Variants in ST3GAL6 observed in about 807,000 individuals in gnomAD.
ST3GAL6 encodes the protein type 2 lactosamine alpha-2,3-sialyltransferase.
In ST3GAL6, 31 loss-of-function variants were observed where a neutral mutation model predicts 40.5. That is an observed-to-expected ratio of 0.77 (90% CI 0.58 to 1.03). ST3GAL6 has a LOEUF of 1.03. Ranked by LOEUF, ST3GAL6 falls within the 50% of genes least tolerant of loss-of-function variation. The pLI is 0.00. For synonymous variants in ST3GAL6, 129 were observed against 136.9 expected (o/e 0.94, Z 0.40); for missense variants, 357 against 393.2 (o/e 0.91, Z 0.78).
intron 1 of ST3GAL6, among the ~76,000 whole-genome samples, chr3:98,737,778 T>C (rs1251285428): frequency 6.6e-6 from 1 of 151,954 alleles, no homozygotes; most frequent in East Asian, 1.9e-4. Context: ...AGGCTGAAAG[T>C]AAAGGGATGG....
At chr3:98,749,891 A>G (rs1354513447) in intron 1 of ST3GAL6, among the ~76,000 whole-genome samples, 1 of 152,248 alleles carries the variant, frequency 6.6e-6, no homozygotes, top group Non-Finnish European at 1.5e-5. Flanking sequence ...AGAGCAAAAT[A>G]TGACCAAGCA....
At chr3:98,792,941 T>C (rs2107377258) in intron 9 of ST3GAL6, among the ~76,000 whole-genome samples, 1 of 152,314 alleles carries the variant, frequency 6.6e-6, no homozygotes, top group Non-Finnish European at 1.5e-5. Context: ...TATTGAAATA[T>C]TACTTGATAA....
At chr3:98,763,063 G>T, upstream of ST3GAL6, 3 of 985,394 alleles carry the variant, frequency 3.0e-6, no homozygotes, top group Non-Finnish European at 3.6e-6. Context: ...GAGGACTGAG[G>T]CCTTTCCATT....
Position 98,787,318 on chromosome 3 carries a change from C to T in ST3GAL6, c.432-718C>T, listed in dbSNP as rs545144599. Among the ~76,000 whole-genome samples, 6 of 152,220 alleles carry T rather than the reference C, an allele frequency of 3.9e-5. No individual in the cohort carries two copies. In the South Asian group the frequency reaches 8.3e-4, roughly 21 times the overall value. ...TAATAAGTCTGTTCGTCTTATATTA[C>T]GTAGAGTCAGTAGCAAAGGGCAAAA... On this transcript the variant is annotated intron_variant, in intron 6 of 9. Coordinates refer to ENST00000483910, the MANE Select transcript of ST3GAL6 (RefSeq NM_001323368.2).
Position 98,795,427 on chromosome 3 carries a change from A to G in ST3GAL6, c.*1666A>G, listed in dbSNP as rs1359651146. The G allele has an allele frequency of 6.6e-6, 1 of 152,234 alleles. No homozygotes were observed. Among genetic ancestry groups the G allele is most frequent in the Non-Finnish European group, 1.5e-5 (1 of 68,048 alleles). The allele number at this position is 152,234 out of a possible 1,614,324, so 9.4% of individuals were successfully genotyped here. ...GACATGAATACCAGCATATGTTTGCAGAGTCCCACAGTTTTGATTCCTCTT... is the reference window on the plus strand; with the variant it reads ...GACATGAATACCAGCATATGTTTGCGGAGTCCCACAGTTTTGATTCCTCTT... On this transcript the variant is annotated 3_prime_UTR_variant, in exon 10 of 10. Transcript: ENST00000483910.
chr3:98,768,280 TGAG>T lies in ST3GAL6; in HGVS notation c.-11-149_-11-147del. The T allele has an allele frequency of 8.9e-5, 26 of 290,832 alleles. 5 individuals carry two copies. Among genetic ancestry groups the T allele is most frequent in the South Asian group, 2.3e-4 (4 of 17,470 alleles). The allele number at this position is 290,832 out of a possible 1,614,324, so 18.0% of individuals were successfully genotyped here. A position where few individuals can be genotyped will look rare whatever the true frequency, so the allele number is the denominator to read the frequency against. On this transcript the variant is annotated intron_variant, in intron 1 of 9. Transcript: ENST00000483910. ...AAACATTATCTTTCTGCACGTTTAG[TGAG>T]TATTTCCAAAATTACATGCCCACAT...
chr3:98,732,710 C>T, intron 1 of ST3GAL6: 1 of 743,914 alleles, frequency 1.3e-6, no homozygotes, highest in Non-Finnish European at 2.0e-6. Context: ...CGCAGTCGCC[C>T]GGGATTGGGG....
At chr3:98,743,681 G>A (rs7634817) in intron 1 of ST3GAL6, among the ~76,000 whole-genome samples, 54,839 of 152,024 alleles carry the variant, frequency 0.36, 11,727 homozygotes, top group East Asian at 0.51. Flanking sequence ...GACAATACAG[G>A]CCCTCCAGAA....
intron 5 of ST3GAL6, chr3:98,783,642 TG>T (rs1298675854): frequency 2.0e-6 from 2 of 984,532 alleles, no homozygotes; most frequent in Non-Finnish European, 2.4e-6. Context: ...TACTGTGACA[TG>T]AGATGTGTCC....
At chr3:98,788,559 C>A in intron 8 of ST3GAL6, 96 bp downstream of exon 8, 2 of 1,149,932 alleles carry the variant, frequency 1.7e-6, no homozygotes, top group Non-Finnish European at 2.4e-6. Context: ...AGAACCACAG[C>A]TCATGAGATG....
At chr3:98,756,545 GCAAAGGCAA>G in intron 1 of ST3GAL6, 1 of 1,246,416 alleles carries the variant, frequency 8.0e-7, no homozygotes, top group Non-Finnish European at 1.0e-6. Context: ...GTGCAGGTAA[GCAAAGGCAA>G]CACCACCATT....
rs919126910 is a variant in ST3GAL6, at chr3:98,756,629, G to C, written c.-11-11801G>C. Reference sequence around the variant, plus strand: ...GTTCTTATACAATGCTTCTCTTGTGGGTGATGTTAAAATCCCCTCTTCTAT... The same window carrying C: ...GTTCTTATACAATGCTTCTCTTGTGCGTGATGTTAAAATCCCCTCTTCTAT... On this transcript the variant is annotated intron_variant, in intron 1 of 9. Transcript: ENST00000265261. The C allele has an allele frequency of 1.3e-5, 14 of 1,062,516 alleles. No homozygotes were observed. In the African/African-American group the frequency reaches 2.2e-4, roughly 16 times the overall value. The allele number at this position is 1,062,516 out of a possible 1,614,324, so 65.8% of individuals were successfully genotyped here.
chr3:98,778,398 C>G (rs984283704), intron 5 of ST3GAL6, among the ~76,000 whole-genome samples: 1 of 152,178 alleles, frequency 6.6e-6, no homozygotes, highest in African/African-American at 2.4e-5. Flanking sequence ...TAACTCTAAA[C>G]GGAATATCAA....
chr3:98,738,943 C>A lies in ST3GAL6; in HGVS notation c.-12+6411C>A, dbSNP rs181634980. The stretch of plus-strand genomic sequence containing the variant: ...GGCACATACTCTAAAACCAACCACA[C>A]AAATGGATATAAAACAATCCTCAGC... On this transcript the variant is annotated intron_variant, in intron 1 of 9. Coordinates refer to the ST3GAL6 transcript ENST00000265261. 9.9e-4 allele frequency among the ~76,000 whole-genome samples: 150 copies of A among 152,264 alleles called. 1 individual carries two copies. The Middle Eastern group carries it at 0.017, about 17-fold the overall frequency.
intron 1 of ST3GAL6, among the ~76,000 whole-genome samples, chr3:98,766,370 T>C (rs1938322850): frequency 6.6e-6 from 1 of 151,868 alleles, no homozygotes; most frequent in South Asian, 2.1e-4. Context: ...TACTGGTAAG[T>C]TTTATCCTTG....
At chr3:98,779,834 A>C (rs1275163186) in intron 5 of ST3GAL6, among the ~76,000 whole-genome samples, 1 of 152,232 alleles carries the variant, frequency 6.6e-6, no homozygotes, top group East Asian at 1.9e-4. Flanking sequence ...CTCCAAACAC[A>C]AAGTAGGGAA....
intron 1 of ST3GAL6, among the ~76,000 whole-genome samples, chr3:98,752,822 T>A (rs1937121624): frequency 6.6e-6 from 1 of 152,254 alleles, no homozygotes; most frequent in African/African-American, 2.4e-5. Context: ...CACCACAAAC[T>A]ACACCACTAT....
chr3:98,780,799 G>A (rs1940027983), intron 5 of ST3GAL6, among the ~76,000 whole-genome samples: 1 of 152,092 alleles, frequency 6.6e-6, no homozygotes, highest in Admixed American at 6.6e-5. Context: ...TACTCTTTGG[G>A]CCACGCATTA....
intron 1 of ST3GAL6, among the ~76,000 whole-genome samples, chr3:98,767,727 CT>C (rs1189380259): frequency 6.6e-6 from 1 of 152,036 alleles, no homozygotes; most frequent in African/African-American, 2.4e-5. Context: ...TCTATAAAGG[CT>C]TTTTTTGCAT....
Sources: gnomAD v4.1 joint callset for allele counts (sites outside exome capture counted in the v4.1 genomes callset) on GRCh38, gnomAD v4.1.1 for gene constraint, MANE v1.5 for transcripts, NCBI Gene and HGNC (gene_info 2026-07-23, HGNC 2026-07-21) for gene names.